The following PREP variants were observed in gnomAD, a reference collection of about 807,000 sequenced individuals.
PREP encodes prolyl endopeptidase, also known as dJ355L5.1 (prolyl endopeptidase).
In PREP, 29 loss-of-function variants were observed where a neutral mutation model predicts 87.6. The ratio of observed to expected loss-of-function variants is 0.33; its 90% confidence interval spans 0.25 to 0.45. The LOEUF (loss-of-function observed/expected upper bound fraction) is 0.45. Among genes scored for constraint, PREP ranks in the 20% least tolerant of loss-of-function variants. The pLI, the probability that PREP is intolerant of heterozygous loss-of-function variation, is 1.00. For synonymous variants in PREP, 337 were observed against 328.6 expected (o/e 1.03, Z -0.28); for missense variants, 695 against 886.5 (o/e 0.78, Z 2.74).
At chr6:105,397,675 GC>G (rs1398569915) in intron 2 of PREP, among the ~76,000 whole-genome samples, 177 bp downstream of exon 2, 11 of 152,146 alleles carry the variant, frequency 7.2e-5, no homozygotes, top group Admixed American at 6.5e-4. Flanking sequence ...ACTAAGCCAT[GC>G]TTTTGTCTTT....
Position 105,328,976 on chromosome 6 carries a change from C to A in PREP, c.1066G>T (p.Asp356Tyr). 2 of 1,614,126 alleles carry A rather than the reference C, an allele frequency of 1.2e-6. No individual in the cohort carries two copies. Among genetic ancestry groups the A allele is most frequent in the Non-Finnish European group, 1.7e-6 (2 of 1,180,016 alleles). ...SNFLVLCYLH[D>Y]VKNILQLHDL... ...TGGAGCTGCAGAATGTTCTTGACGT[C>A]ATGGAGGTAGCATAAGACCAAGAAG... The change falls in exon 9 of 15, where the codon GAC (aspartate) becomes TAC (tyrosine). Residue 356 changes from aspartate to tyrosine, a missense_variant. Physicochemically the swap from Asp to Tyr is radical, Grantham distance 160 (BLOSUM62 -3). Coordinates refer to ENST00000652536, the MANE Select transcript of PREP (RefSeq NM_002726.5).
rs112168625 is a variant in PREP, at chr6:105,288,713, T to C, written c.1454+45A>G. On this transcript the variant is annotated intron_variant, in intron 11 of 14. Coordinates refer to ENST00000652536, the MANE Select transcript of PREP (RefSeq NM_002726.5). ...AGCACTCTGGTTTGTTTCCACTATA[T>C]GGAAAAGATAAAATACTGGCACTCT... 533 of 1,607,158 alleles carry C rather than the reference T, an allele frequency of 3.3e-4. No homozygotes were observed. In the African/African-American group the frequency reaches 6.3e-3, roughly 19 times the overall value.
chr6:105,336,479 T>C (rs919052585), intron 7 of PREP, among the ~76,000 whole-genome samples: 3 of 152,242 alleles, frequency 2.0e-5, no homozygotes, highest in African/African-American at 4.8e-5. Context: ...CTGTTTTTGC[T>C]CATATTTCTA....
At chr6:105,279,319 A>C (rs1455747271) in intron 14 of PREP, among the ~76,000 whole-genome samples, 3 of 152,122 alleles carry the variant, frequency 2.0e-5, no homozygotes, top group African/African-American at 7.2e-5. Context: ...TGAGGCCAAA[A>C]CATTCTTGGG....
intron 2 of PREP, among the ~76,000 whole-genome samples, chr6:105,386,887 G>C (rs1225361411): frequency 1.3e-5 from 2 of 152,184 alleles, no homozygotes; most frequent in Non-Finnish European, 2.9e-5. Flanking sequence ...GAATGGGATG[G>C]TGAATTAGGC....
Position 105,370,553 on chromosome 6 carries a change from CCAAA to C in PREP, c.596-1533_596-1530del, listed in dbSNP as rs1562219747. On this transcript the variant is annotated intron_variant, in intron 5 of 14. Transcript: ENST00000652536. The stretch of plus-strand genomic sequence containing the variant: ...ACCCAAAGGAGTTGAAAACTTGTGT[CCAAA>C]CAAAGACCTGCATACAGATTTTTTA... Among the ~76,000 whole-genome samples the C allele has an allele frequency of 5.3e-5, 8 of 152,150 alleles. No homozygotes were observed. The South Asian group carries it at 1.7e-3, about 32-fold the overall frequency.
At position 105,368,952 on chromosome 6, in the gene PREP, A is replaced by T. The variant is rs752719028; in HGVS notation, c.668T>A (p.Ile223Asn). ...HVLGTDQSED[I>N]LCAEFPDEPK... is the part of the protein sequence containing the mutation. ...TTCATCAGGAAACTCAGCACACAAAATATCTTCTGACTGATCGGTTCCCAA... is the reference window on the plus strand; with the variant it reads ...TTCATCAGGAAACTCAGCACACAAATTATCTTCTGACTGATCGGTTCCCAA... Residue 223 changes from isoleucine to asparagine, a missense_variant, in exon 6 of 15, where the codon ATT becomes AAT. By Grantham distance (149) the Ile-to-Asn change is moderately radical (BLOSUM62 -3). Around this residue, in one of 5 missense-constraint regions of PREP, gnomAD observed 517 missense variants for 620.3 expected, o/e 0.83. Transcript: ENST00000652536. 22 of 1,614,050 alleles carry T rather than the reference A, an allele frequency of 1.4e-5. No individual in the cohort carries two copies. Among genetic ancestry groups the T allele is most frequent in the East Asian group, 2.2e-5 (1 of 44,848 alleles).
intron 10 of PREP, among the ~76,000 whole-genome samples, chr6:105,310,202 G>A (rs1306206372): frequency 6.6e-6 from 1 of 152,144 alleles, no homozygotes; most frequent in Non-Finnish European, 1.5e-5. Flanking sequence ...GCCAGGGATT[G>A]TATTTTTCTT....
intron 10 of PREP, among the ~76,000 whole-genome samples, chr6:105,307,217 T>C (rs1770674407): frequency 1.3e-5 from 2 of 152,196 alleles, no homozygotes; most frequent in South Asian, 4.1e-4. Context: ...TAAAAGTAGC[T>C]TGTTTCTTGC....
intron 8 of PREP, among the ~76,000 whole-genome samples, chr6:105,330,909 T>C (rs1182660563): frequency 6.6e-6 from 1 of 152,234 alleles, no homozygotes; most frequent in Non-Finnish European, 1.5e-5. Context: ...TCCAATGCAC[T>C]TTCTTAAAAA....
chr6:105,323,412 G>C (rs1024525540), intron 10 of PREP, among the ~76,000 whole-genome samples: 28 of 152,158 alleles, frequency 1.8e-4, no homozygotes, highest in African/African-American at 6.3e-4. Context: ...GGAGCCCCAA[G>C]AGAAAGAACT....
chr6:105,284,435 C>CA (rs974049371), intron 12 of PREP, among the ~76,000 whole-genome samples: 33 of 151,720 alleles, frequency 2.2e-4, no homozygotes, highest in East Asian at 9.7e-4. Context: ...TGATTTGATG[C>CA]AAAAAAAATC....
chr6:105,368,715 T>A (rs1448291663), intron 6 of PREP, among the ~76,000 whole-genome samples, 188 bp downstream of exon 6: 1 of 152,228 alleles, frequency 6.6e-6, no homozygotes, highest in Non-Finnish European at 1.5e-5. Context: ...GAGTAATAGG[T>A]TGAGATTGCA....
intron 10 of PREP, among the ~76,000 whole-genome samples, chr6:105,302,127 A>G (rs2114627255): frequency 6.6e-6 from 1 of 152,334 alleles, no homozygotes; most frequent in South Asian, 2.1e-4. Flanking sequence ...TAGTTAATGA[A>G]GACACACAAT....
intron 6 of PREP, among the ~76,000 whole-genome samples, chr6:105,362,417 C>T (rs1469547757): frequency 6.6e-6 from 1 of 152,220 alleles, no homozygotes; most frequent in Admixed American, 6.5e-5. Context: ...GCCAGGATCA[C>T]ACCACTGCAC....
At chr6:105,384,494 G>A (rs1222659695) in intron 2 of PREP, among the ~76,000 whole-genome samples, 4 of 152,132 alleles carry the variant, frequency 2.6e-5, no homozygotes, top group East Asian at 1.9e-4. Flanking sequence ...GGTACCGCTC[G>A]CTTGTACCTC....
intron 2 of PREP, 63 bp from the exon 3 acceptor site, chr6:105,377,582 C>CAGATA: frequency 6.5e-7 from 1 of 1,542,112 alleles, no homozygotes; most frequent in South Asian, 1.2e-5. Context: ...GAAATATTAT[C>CAGATA]CACTAATATG....
chr6:105,390,550 A>G (rs1272786068), intron 2 of PREP, among the ~76,000 whole-genome samples: 1 of 152,218 alleles, frequency 6.6e-6, no homozygotes. Flanking sequence ...AGACCTGACA[A>G]TCAGTTACAG....
intron 6 of PREP, among the ~76,000 whole-genome samples, chr6:105,367,262 TGAG>T (rs772141873): frequency 1.3e-5 from 2 of 152,102 alleles, no homozygotes; most frequent in Non-Finnish European, 2.9e-5. Flanking sequence ...GCCTTATGTA[TGAG>T]GAGAAGATGT....
Sources: gnomAD v4.1 joint callset for allele counts (sites outside exome capture counted in the v4.1 genomes callset) on GRCh38, gnomAD v4.1.1 for gene constraint, gnomAD v4.1.1 regional missense constraint, MANE v1.5 for transcripts, NCBI Gene and HGNC (gene_info 2026-07-23, HGNC 2026-07-21) for gene names.